The following RFC3 variants were observed in gnomAD, a reference collection of about 807,000 sequenced individuals.
RFC3 encodes replication factor C subunit 3.
Under a neutral mutation model 45.1 loss-of-function variants are expected in RFC3, and 41 were observed. The observed-to-expected ratio is 0.91, with a 90% CI of 0.71 to 1.18. RFC3 has a LOEUF of 1.18. Among genes scored for constraint, RFC3 ranks in the 50% most tolerant of loss-of-function variants. The pLI, the probability that RFC3 is intolerant of heterozygous loss-of-function variation, is 0.00. For missense variants in RFC3, 423 were observed against 428.1 expected (o/e 0.99, Z 0.10); for synonymous variants, 149 against 144.0 (o/e 1.03, Z -0.25).
At chr13:33,973,459 G>T in the RFC3 span, among the ~76,000 whole-genome samples, 1 of 152,160 alleles carries the variant, frequency 6.6e-6, no homozygotes, top group East Asian at 1.9e-4. Context: ...GCCACATCTG[G>T]AAAGGGAGAT....
downstream of RFC3, among the ~76,000 whole-genome samples, chr13:33,970,729 A>G (rs2137883558): frequency 6.6e-6 from 1 of 152,380 alleles, no homozygotes; most frequent in African/African-American, 2.4e-5. Flanking sequence ...GAAGCAACAC[A>G]GGACACATAC....
At chr13:33,862,412 A>G (rs2082346861) in intron 8 of RFC3, among the ~76,000 whole-genome samples, 1 of 152,184 alleles carries the variant, frequency 6.6e-6, no homozygotes, top group Non-Finnish European at 1.5e-5. Context: ...CGTGACTTGA[A>G]TCAGCTTCAA....
At chr13:33,861,610 G>A (rs1055405888) in intron 8 of RFC3, among the ~76,000 whole-genome samples, 1 of 147,402 alleles carries the variant, frequency 6.8e-6, no homozygotes, top group Non-Finnish European at 1.5e-5. Context: ...ATGCCACTTC[G>A]TTCCAGCCTA....
chr13:33,968,810 C>A (rs750609470), downstream of RFC3, among the ~76,000 whole-genome samples: 1 of 152,146 alleles, frequency 6.6e-6, no homozygotes, highest in African/African-American at 2.4e-5. Flanking sequence ...TTGCCTCTTA[C>A]GTTGTCTTGG....
intron 8 of RFC3, among the ~76,000 whole-genome samples, chr13:33,962,303 G>A (rs1441323853): frequency 6.6e-6 from 1 of 152,088 alleles, no homozygotes; most frequent in Non-Finnish European, 1.5e-5. Flanking sequence ...TTAACCTGTC[G>A]GTGCCTCAGG....
chr13:33,821,363 G>A, intron 2 of RFC3, 94 bp downstream of exon 2: 2 of 1,225,042 alleles, frequency 1.6e-6, no homozygotes, highest in South Asian at 1.3e-5. Context: ...GCTTCCTAAT[G>A]TATGATTTAA....
At position 33,837,211 on chromosome 13, in the gene RFC3, C is replaced by T. The variant is rs1419108487; in HGVS notation, c.*916C>T. On this transcript the variant is annotated 3_prime_UTR_variant, in exon 9 of 9. Transcript: ENST00000380071. ...TCACCCCAAAAAGTTCCCTCCATAT[C>T]CCTTTGCAGTCAGTTCATCCCTACC... The T allele has an allele frequency of 5.1e-6, 1 of 197,388 alleles. No homozygotes were observed. The highest frequency in any genetic ancestry group is 2.4e-5 in the African/African-American group (1 of 42,242). The allele number at this position is 197,388 out of a possible 1,614,324, so 12.2% of individuals were successfully genotyped here. A position where few individuals can be genotyped will look rare whatever the true frequency, so the allele number is the denominator to read the frequency against.
At chr13:33,912,901 T>A (rs1213177411) in intron 8 of RFC3, among the ~76,000 whole-genome samples, 1 of 151,950 alleles carries the variant, frequency 6.6e-6, no homozygotes, top group African/African-American at 2.4e-5. Flanking sequence ...ATTAGCTTAA[T>A]AACTGGGTGT....
intron 8 of RFC3, among the ~76,000 whole-genome samples, chr13:33,845,249 G>C (rs926093459): frequency 6.6e-6 from 1 of 152,138 alleles, no homozygotes; most frequent in Non-Finnish European, 1.5e-5. Flanking sequence ...GATGCCTTGA[G>C]ATAGTCTTAT....
intron 8 of RFC3, among the ~76,000 whole-genome samples, chr13:33,879,370 C>T (rs191496948): frequency 1.1e-4 from 16 of 152,292 alleles, no homozygotes; most frequent in Admixed American, 2.6e-4. Context: ...ATTTTATCCT[C>T]AGTCATTTCC....
downstream of RFC3, among the ~76,000 whole-genome samples, chr13:33,840,061 A>T (rs1157044948): frequency 1.3e-5 from 2 of 152,142 alleles, no homozygotes; most frequent in Non-Finnish European, 2.9e-5. Context: ...AGTTTCCAAC[A>T]GTTTGAGTAA....
chr13:33,906,194 A>G (rs531404966), intron 8 of RFC3, among the ~76,000 whole-genome samples: 1 of 152,232 alleles, frequency 6.6e-6, no homozygotes, highest in African/African-American at 2.4e-5. Flanking sequence ...TTATTGCCAC[A>G]GCATCTTAAA....
chr13:33,944,666 AT>A (rs1189906903), intron 8 of RFC3, among the ~76,000 whole-genome samples: 3 of 152,146 alleles, frequency 2.0e-5, no homozygotes, highest in Admixed American at 1.3e-4. Context: ...ATACATTTAA[AT>A]CATTTTGTTT....
intron 8 of RFC3, among the ~76,000 whole-genome samples, chr13:33,853,381 C>A (rs558292399): frequency 1.3e-5 from 2 of 152,162 alleles, no homozygotes; most frequent in Admixed American, 6.6e-5. Flanking sequence ...AATTGCTATC[C>A]CCTTGAGACA....
intron 8 of RFC3, among the ~76,000 whole-genome samples, chr13:33,873,693 C>T (rs1030561605): frequency 6.6e-6 from 1 of 152,090 alleles, no homozygotes; most frequent in East Asian, 1.9e-4. Flanking sequence ...GACCCTTCAC[C>T]CTCTTTTGCT....
intron 8 of RFC3, among the ~76,000 whole-genome samples, chr13:33,916,442 G>C (rs553816632): frequency 1.3e-5 from 2 of 152,120 alleles, no homozygotes; most frequent in Non-Finnish European, 2.9e-5. Context: ...GACAGAAACA[G>C]ATGTCTCAAA....
At chr13:33,828,116 C>T (rs1340532418) in intron 4 of RFC3, among the ~76,000 whole-genome samples, 1 of 152,084 alleles carries the variant, frequency 6.6e-6, no homozygotes, top group Non-Finnish European at 1.5e-5. Context: ...CTACTGCACT[C>T]CCGCCTGGGT....
At chr13:33,826,711 TTC>T (rs1802250225) in intron 4 of RFC3, among the ~76,000 whole-genome samples, 1 of 152,198 alleles carries the variant, frequency 6.6e-6, no homozygotes, top group Admixed American at 6.5e-5. Flanking sequence ...TGTTATTAAA[TTC>T]TCTTACTGTT....
chr13:33,884,490 C>T (rs998396143), intron 8 of RFC3, among the ~76,000 whole-genome samples: 1 of 152,150 alleles, frequency 6.6e-6, no homozygotes, highest in African/African-American at 2.4e-5. Flanking sequence ...ACTATGTCTT[C>T]AAATGCACCG....
Sources: gnomAD v4.1 joint callset for allele counts (sites outside exome capture counted in the v4.1 genomes callset) on GRCh38, gnomAD v4.1.1 for gene constraint, MANE v1.5 for transcripts, NCBI Gene and HGNC (gene_info 2026-07-23, HGNC 2026-07-21) for gene names.